The following ST3GAL3 variants were observed in gnomAD, a reference collection of about 807,000 sequenced individuals.
ST3GAL3 encodes CMP-N-acetylneuraminate-beta-1,4-galactoside alpha-2,3-sialyltransferase.
In ST3GAL3, 21 loss-of-function variants were observed where a neutral mutation model predicts 50.1. That is an observed-to-expected ratio of 0.42 (90% confidence interval 0.30 to 0.60). ST3GAL3 has a LOEUF of 0.60. Ranked by LOEUF, ST3GAL3 falls within the 20% of genes least tolerant of loss-of-function variation. The probability of loss-of-function intolerance (pLI) is 0.19; values close to 1 mark genes in which losing one functional copy is unlikely to be tolerated. For synonymous variants in ST3GAL3, 183 were observed against 190.0 expected, an observed-to-expected ratio of 0.96 and a Z score of 0.30; for missense variants, 353 against 489.4, an observed-to-expected ratio of 0.72 and a Z score of 2.63.
chr1:43,908,907 C>G (rs2080292435), intron 9 of ST3GAL3, among the ~76,000 whole-genome samples: 1 of 152,154 alleles, frequency 6.6e-6, no homozygotes, highest in South Asian at 2.1e-4. Flanking sequence ...GCTGGAATTA[C>G]AGGTGTGAGC....
chr1:43,784,545 T>C (rs1030422506), intron 2 of ST3GAL3, among the ~76,000 whole-genome samples: 13 of 152,138 alleles, frequency 8.5e-5, no homozygotes, highest in African/African-American at 2.9e-4. Context: ...TAAACTCCCA[T>C]AGCAACTTCT....
intron 5 of ST3GAL3, chr1:43,851,240 A>C (rs2067241449): frequency 1.4e-5 from 22 of 1,572,614 alleles, no homozygotes; most frequent in Non-Finnish European, 1.9e-5. Flanking sequence ...CATAGATTCA[A>C]AGAAGATGGA....
chr1:43,853,104 C>T (rs1403693425), intron 5 of ST3GAL3, among the ~76,000 whole-genome samples: 2 of 152,160 alleles, frequency 1.3e-5, no homozygotes, highest in African/African-American at 4.8e-5. Context: ...ATTTGAATGG[C>T]TTTTTGTGCT....
chr1:43,920,327 CT>C (rs1286662108), intron 9 of ST3GAL3, 76 bp from the exon 10 acceptor site: 1 of 1,596,318 alleles, frequency 6.3e-7, no homozygotes, highest in East Asian at 2.2e-5. Flanking sequence ...ACTGTCCCTA[CT>C]TGGGGTCCCT....
intron 3 of ST3GAL3, chr1:43,799,596 G>T (rs1326784640): frequency 6.6e-6 from 1 of 152,166 alleles, no homozygotes; most frequent in African/African-American, 2.4e-5. Context: ...TCCTAGGGGT[G>T]GAGCCCTCAT....
intron 5 of ST3GAL3, among the ~76,000 whole-genome samples, chr1:43,856,287 C>T (rs1233476466): frequency 2.0e-5 from 3 of 152,194 alleles, no homozygotes; most frequent in Non-Finnish European, 4.4e-5. Context: ...TGATAATGCA[C>T]TTTTATGGAG....
At chr1:43,876,342 C>T (rs912917450) in intron 5 of ST3GAL3, among the ~76,000 whole-genome samples, 10 of 152,126 alleles carry the variant, frequency 6.6e-5, no homozygotes, top group Admixed American at 5.9e-4. Flanking sequence ...GGGTACTAGA[C>T]TTGCCAAGCA....
intron 11 of ST3GAL3, among the ~76,000 whole-genome samples, chr1:43,923,057 C>G (rs1010863774): frequency 3.9e-5 from 6 of 152,124 alleles, no homozygotes; most frequent in Admixed American, 3.9e-4. Flanking sequence ...CCACTGCACT[C>G]TAGCCTGGGT....
chr1:43,784,889 A>G (rs1010917249), intron 2 of ST3GAL3, among the ~76,000 whole-genome samples: 1 of 152,114 alleles, frequency 6.6e-6, no homozygotes, highest in African/African-American at 2.4e-5. Flanking sequence ...CCACATTGGG[A>G]TACTCCTTGT....
intron 1 of ST3GAL3, among the ~76,000 whole-genome samples, chr1:43,731,591 G>A (rs1225368157): frequency 7.0e-6 from 1 of 143,344 alleles, no homozygotes; most frequent in African/African-American, 2.6e-5. Flanking sequence ...TAGAGATGGG[G>A]TTTCACTGTG....
chr1:43,817,375 CT>C (rs1325861178), intron 4 of ST3GAL3, among the ~76,000 whole-genome samples: 5 of 86,084 alleles, frequency 5.8e-5, no homozygotes, highest in Non-Finnish European at 1.3e-4. Flanking sequence ...TCTTCTCCTT[CT>C]TCTCCTTCTT....
intron 3 of ST3GAL3, among the ~76,000 whole-genome samples, chr1:43,804,862 C>G (rs2059696736): frequency 6.6e-6 from 1 of 152,144 alleles, no homozygotes; most frequent in Non-Finnish European, 1.5e-5. Context: ...TCACTGCTAC[C>G]ACCAGCACTG....
At chr1:43,786,053 A>G (rs1314929808) in intron 2 of ST3GAL3, among the ~76,000 whole-genome samples, 1 of 151,002 alleles carries the variant, frequency 6.6e-6, no homozygotes, top group East Asian at 2.0e-4. Context: ...CTCTATTCCC[A>G]TTGCCATCGA....
chr1:43,867,679 T>G (rs1225584012), intron 5 of ST3GAL3, among the ~76,000 whole-genome samples: 1 of 152,222 alleles, frequency 6.6e-6, no homozygotes, highest in Non-Finnish European at 1.5e-5. Flanking sequence ...TGTGAATACT[T>G]TTAGACAGTG....
chr1:43,867,027 CGCTTAT>C (rs2071489485), intron 5 of ST3GAL3, among the ~76,000 whole-genome samples: 1 of 152,030 alleles, frequency 6.6e-6, no homozygotes, highest in South Asian at 2.1e-4. Context: ...CTACTTGGGA[CGCTTAT>C]GCAGGAGAGT....
At chr1:43,767,455 G>A (rs1572459897) in intron 2 of ST3GAL3, among the ~76,000 whole-genome samples, 1 of 152,162 alleles carries the variant, frequency 6.6e-6, no homozygotes, top group East Asian at 1.9e-4. Context: ...AAATGAAGGG[G>A]AAGCCACAGA....
chr1:43,780,388 G>A (rs1226211674), intron 2 of ST3GAL3, among the ~76,000 whole-genome samples: 1 of 152,008 alleles, frequency 6.6e-6, no homozygotes, highest in Non-Finnish European at 1.5e-5. Flanking sequence ...CCTTGATGGA[G>A]GGCTGTTTTC....
rs555403523 is a variant in ST3GAL3 at position 43,742,630 on chromosome 1, T to G, written c.118+6250T>G. Reference sequence around the variant, plus strand: ...CAAGAAGAAAAATCTATGGATAAGATGGCCTCAGTGTTGCACTTAGCAGAC... The same window carrying G: ...CAAGAAGAAAAATCTATGGATAAGAGGGCCTCAGTGTTGCACTTAGCAGAC... On this transcript the variant is annotated intron_variant, in intron 2 of 11. Transcript: ENST00000347631. Among the ~76,000 whole-genome samples, 16 of 152,300 alleles carry G rather than the reference T, an allele frequency of 1.1e-4. No individual in the cohort carries two copies. In the South Asian group the frequency reaches 3.3e-3, roughly 32 times the overall value.
chr1:43,884,157 G>T (rs1186549407), intron 5 of ST3GAL3, among the ~76,000 whole-genome samples: 2 of 152,190 alleles, frequency 1.3e-5, no homozygotes, highest in Non-Finnish European at 2.9e-5. Flanking sequence ...GTTGGATGGG[G>T]CCGTGTTTTC....
Sources: allele counts gnomAD v4.1 joint callset (sites outside exome capture counted in the v4.1 genomes callset), GRCh38; gene constraint gnomAD v4.1.1; transcripts MANE v1.5; gene names NCBI Gene and HGNC (gene_info 2026-07-23, HGNC 2026-07-21).